Variants in PATE4 observed in about 807,000 individuals in gnomAD.
PATE4 encodes the protein prostate and testis expressed 4.
PATE4 carries 13 observed loss-of-function variants against 8.5 expected under a neutral mutation model. The ratio of observed to expected loss-of-function variants is 1.53; its 90% CI spans 1.00 to 2.43. The LOEUF (loss-of-function observed/expected upper bound fraction) is 2.43, where lower values mean the gene tolerates loss of function less well. Ranked by LOEUF, PATE4 falls within the 30% of genes most tolerant of loss-of-function variation. The pLI is 0.00. For synonymous variants in PATE4, 47 were observed against 39.3 expected (o/e 1.20, Z -0.73); for missense variants, 127 against 115.5 (o/e 1.10, Z -0.46).
intron 1 of PATE4, among the ~76,000 whole-genome samples, chr11:125,836,234 CAGA>C (rs993695120): frequency 4.6e-5 from 7 of 151,058 alleles, no homozygotes; most frequent in Non-Finnish European, 8.8e-5. Context: ...GGGTAGTGGG[CAGA>C]AGAATAAAAT....
chr11:125,838,427 A>T lies in PATE4; in HGVS notation c.297A>T (p.Ter99TyrextTer48), dbSNP rs762192056. The T allele has an allele frequency of 6.5e-7, 1 of 1,543,522 alleles. No homozygotes were observed. The highest frequency in any genetic ancestry group is 1.2e-5 in the South Asian group (1 of 82,534). Residue 99 changes from the stop codon to tyrosine, a stop_lost, in exon 3 of 3, where the codon TAA becomes TAT. Transcript: ENST00000457514. The stretch of plus-strand genomic sequence containing the variant: ...ACAGAAACTTCTGTAATGTCTTCTA[A>T]TGGAGCTTAGGAACTTGCAGAGGAT... ...CCDRNFCNVF[*>Y]
chr11:125,838,648 T>C lies in PATE4; in HGVS notation c.*221T>C. On this transcript the variant is annotated 3_prime_UTR_variant, in exon 3 of 3. Coordinates refer to ENST00000457514, the MANE Select transcript of PATE4 (RefSeq NM_001144874.1). Reference sequence around the variant, plus strand: ...TTGAAACAAAATCCTCCATGAGCTATGCTTATTCTTTTGTCTTCTACTCCT... The same window carrying C: ...TTGAAACAAAATCCTCCATGAGCTACGCTTATTCTTTTGTCTTCTACTCCT... The C allele has an allele frequency of 2.2e-6, 1 of 454,514 alleles. No individual in the cohort carries two copies. The highest frequency in any genetic ancestry group is 3.8e-6 in the Non-Finnish European group (1 of 262,356). The allele number at this position is 454,514 out of a possible 1,614,324, so 28.2% of individuals were successfully genotyped here. A position where few individuals can be genotyped will look rare whatever the true frequency, so the allele number is the denominator to read the frequency against.
At chr11:125,833,562 A>G (rs1340384684) in intron 1 of PATE4, 145 bp downstream of exon 1, 2 of 688,064 alleles carry the variant, frequency 2.9e-6, no homozygotes, top group East Asian at 2.8e-5. Flanking sequence ...GAGATCATAT[A>G]TAACACACTA....
chr11:125,833,671 T>C (rs1350377138), intron 1 of PATE4, among the ~76,000 whole-genome samples: 2 of 152,218 alleles, frequency 1.3e-5, no homozygotes, highest in Non-Finnish European at 2.9e-5. Context: ...TTTTGGACCC[T>C]TTCTTTCTTA....
chr11:125,836,726 G>C (rs1943922395), intron 1 of PATE4, among the ~76,000 whole-genome samples: 1 of 152,092 alleles, frequency 6.6e-6, no homozygotes, highest in African/African-American at 2.4e-5. Context: ...AATTTGGAGG[G>C]GTTGTTTAAT....
At position 125,838,781 on chromosome 11, in the gene PATE4, G is replaced by A. The variant is rs1300777983; in HGVS notation, c.*354G>A. 5.1e-6 allele frequency: 1 copy of A among 195,544 alleles called. No individual in the cohort carries two copies. The highest frequency in any genetic ancestry group is 1.2e-4 in the East Asian group (1 of 8,052). The allele number at this position is 195,544 out of a possible 1,614,324, so 12.1% of individuals were successfully genotyped here. On this transcript the variant is annotated 3_prime_UTR_variant, in exon 3 of 3. Transcript: ENST00000457514. ...TACCTTACATGGCAAAAGGGACTTT[G>A]AAAATGTGATTAAGGATCTTGAGAA... is the stretch of plus-strand genomic sequence containing the variant.
chr11:125,833,528 C>T (rs1943901470), intron 1 of PATE4, 111 bp downstream of exon 1: 1 of 954,098 alleles, frequency 1.0e-6, no homozygotes, highest in South Asian at 1.7e-5. Flanking sequence ...AGACTCAGTA[C>T]AATCTGAGTT....
Position 125,838,390 on chromosome 11 carries a change from C to T in PATE4, c.260C>T (p.Thr87Ile). ...ESSKRGLLRV[T>I]LCCDRNFCNV... ...TCCAAAAGAGGCCTGTTGAGAGTGA[C>T]ACTGTGCTGTGACAGAAACTTCTGT... Residue 87 changes from threonine (T) to isoleucine (I), a missense_variant, in exon 3 of 3, where the codon ACA becomes ATA. By Grantham distance (89) the Thr-to-Ile change is moderately conservative. Coordinates refer to ENST00000457514, the MANE Select transcript of PATE4 (RefSeq NM_001144874.1). 6.4e-7 allele frequency: 1 copy of T among 1,551,346 alleles called. No individual in the cohort carries two copies. The highest frequency in any genetic ancestry group is 8.7e-7 in the Non-Finnish European group (1 of 1,146,862).
chr11:125,837,970 C>T lies in PATE4; in HGVS notation c.161C>T (p.Thr54Ile). 1 of 1,551,364 alleles carries T rather than the reference C, an allele frequency of 6.4e-7. No homozygotes were observed. Among genetic ancestry groups the T allele is most frequent in the Non-Finnish European group, 8.7e-7 (1 of 1,146,718 alleles). The stretch of plus-strand genomic sequence containing the variant: ...AAAGAAAATGAGTTATGTTCAACAA[C>T]AGCCTATTTCAGGGGTAAGTGGGGC... ...IAKENELCST[T>I]AYFRGDKHMY... Residue 54 changes from threonine (T) to isoleucine (I), a missense_variant, in exon 2 of 3, where the codon ACA (threonine) becomes ATA (isoleucine). Thr to Ile is a moderately conservative substitution (Grantham distance 89). Transcript: ENST00000457514.
intron 1 of PATE4, among the ~76,000 whole-genome samples, chr11:125,834,764 AACTT>A (rs1943908459): frequency 6.6e-6 from 1 of 152,230 alleles, no homozygotes; most frequent in Admixed American, 6.5e-5. Flanking sequence ...AAGTGCAAAT[AACTT>A]AAATTCTCAT....
Position 125,838,308 on chromosome 11 carries a change from G to A in PATE4, c.178G>A (p.Asp60Asn), listed in dbSNP as rs766297222. ...ATAACAGGCTTCTTCATTTTCAGGA[G>A]ACAAACATATGTACTCAACACATAT... ...LCSTTAYFRG[D>N]KHMYSTHMCK... The change falls in exon 3 of 3, where the codon GAC (aspartate) becomes AAC (asparagine). Residue 60 changes from aspartate to asparagine, a missense_variant and splice_region_variant. Transcript: ENST00000457514. 2 of 1,536,006 alleles carry A rather than the reference G, an allele frequency of 1.3e-6. No individual in the cohort carries two copies. Among genetic ancestry groups the A allele is most frequent in the South Asian group, 2.5e-5 (2 of 80,828 alleles).
At chr11:125,837,778 G>A (rs577456601) in intron 1 of PATE4, 90 bp from the exon 2 acceptor site, 217 of 833,882 alleles carry the variant, frequency 2.6e-4, no homozygotes, top group Middle Eastern at 2.8e-4. Flanking sequence ...GGACAGTATC[G>A]TCAATATGCA....
intron 1 of PATE4, among the ~76,000 whole-genome samples, chr11:125,834,600 T>A (rs1943907400): frequency 6.6e-6 from 1 of 152,188 alleles, no homozygotes; most frequent in African/African-American, 2.4e-5. Flanking sequence ...AATAGTTACA[T>A]CTCCTCTGGT....
At chr11:125,836,973 G>A (rs538255392) in intron 1 of PATE4, among the ~76,000 whole-genome samples, 1 of 152,174 alleles carries the variant, frequency 6.6e-6, no homozygotes, top group African/African-American at 2.4e-5. Flanking sequence ...TCATTAAGAG[G>A]TCGTTAGCAA....
chr11:125,836,998 T>C (rs1315441548), intron 1 of PATE4, among the ~76,000 whole-genome samples: 1 of 152,228 alleles, frequency 6.6e-6, no homozygotes, highest in East Asian at 1.9e-4. Context: ...ATAGTCTTGA[T>C]GGAATAGTGA....
chr11:125,834,724 G>T (rs985882096), intron 1 of PATE4, among the ~76,000 whole-genome samples: 1 of 152,118 alleles, frequency 6.6e-6, no homozygotes, highest in African/African-American at 2.4e-5. Context: ...AATATGTTCA[G>T]CATTATTTAT....
At chr11:125,834,915 T>G (rs1009314059) in intron 1 of PATE4, 1 of 152,192 alleles carries the variant, frequency 6.6e-6, no homozygotes, top group South Asian at 2.1e-4. Flanking sequence ...AAGATACATG[T>G]GCATATTTAT....
intron 1 of PATE4, among the ~76,000 whole-genome samples, chr11:125,836,966 T>C (rs538433310): frequency 6.6e-6 from 1 of 152,204 alleles, no homozygotes; most frequent in African/African-American, 2.4e-5. Context: ...GGATTTATCA[T>C]TAAGAGGTCG....
intron 1 of PATE4, among the ~76,000 whole-genome samples, chr11:125,834,194 C>G (rs1943905507): frequency 6.6e-6 from 1 of 152,114 alleles, no homozygotes; most frequent in African/African-American, 2.4e-5. Flanking sequence ...AACTATGACT[C>G]AAAATCCAGA....
Sources: allele counts gnomAD v4.1 joint callset (sites outside exome capture counted in the v4.1 genomes callset), GRCh38; gene constraint gnomAD v4.1.1; transcripts MANE v1.5; gene names NCBI Gene and HGNC (gene_info 2026-07-23, HGNC 2026-07-21).